The following DTNB variants were observed in gnomAD, a reference collection of about 807,000 sequenced individuals.
DTNB encodes the protein dystrobrevin beta.
In DTNB, 63 loss-of-function variants were observed where a neutral mutation model predicts 90.7. That is an observed-to-expected ratio of 0.69 (90% confidence interval 0.57 to 0.86). The LOEUF is 0.86. DTNB is among the 40% of genes least tolerant of loss of function. The pLI, the probability that DTNB is intolerant of heterozygous loss-of-function variation, is 0.00. For missense variants in DTNB, 744 were observed against 807.1 expected (o/e 0.92, Z 0.95); for synonymous variants, 277 against 286.7 (o/e 0.97, Z 0.34).
intron 8 of DTNB, among the ~76,000 whole-genome samples, chr2:25,570,406 C>CAAAAAAAAAAAAAAA (rs146251976): frequency 2.4e-4 from 22 of 89,900 alleles, no homozygotes; most frequent in East Asian, 3.5e-4. Context: ...TTTCCTGTCT[C>CAAAAAAAAAAAAAAA]AAAAAAAAAA....
chr2:25,556,764 G>C (rs2057430832), intron 8 of DTNB, among the ~76,000 whole-genome samples: 1 of 152,198 alleles, frequency 6.6e-6, no homozygotes, highest in Non-Finnish European at 1.5e-5. Flanking sequence ...AGGATATACA[G>C]AGGTTGGTAA....
At chr2:25,492,266 A>G (rs899767386) in intron 9 of DTNB, among the ~76,000 whole-genome samples, 4 of 152,180 alleles carry the variant, frequency 2.6e-5, no homozygotes, top group African/African-American at 9.7e-5. Context: ...TGAGAGCTTA[A>G]CAGGATTAAC....
Position 25,591,224 on chromosome 2 carries a change from C to T in DTNB, c.603+4862G>A, listed in dbSNP as rs115267865. On this transcript the variant is annotated intron_variant, in intron 6 of 20. Coordinates refer to ENST00000406818, the MANE Select transcript of DTNB (RefSeq NM_021907.5). ...AAGGGCAGCCTTCCCAGGCCCCTGA[C>T]AGTGCAGAGATGCCTGGTCTGCAGC... Among the ~76,000 whole-genome samples, 997 of 152,346 alleles carry T rather than the reference C, an allele frequency of 6.5e-3. 12 individuals are homozygous for T. Among genetic ancestry groups the T allele is most frequent in the African/African-American group, 0.023 (946 of 41,580 alleles).
intron 2 of DTNB, among the ~76,000 whole-genome samples, chr2:25,646,757 T>C (rs1386490326): frequency 6.6e-6 from 1 of 152,242 alleles, no homozygotes; most frequent in Non-Finnish European, 1.5e-5. Flanking sequence ...TTTAGTCTCA[T>C]GCCTCCTTAA....
intron 8 of DTNB, among the ~76,000 whole-genome samples, chr2:25,550,347 C>T (rs527653516): frequency 2.6e-5 from 4 of 151,994 alleles, no homozygotes; most frequent in South Asian, 2.1e-4. Context: ...GCCGAGATCG[C>T]GCCACTGCAC....
intron 8 of DTNB, among the ~76,000 whole-genome samples, chr2:25,566,150 C>G (rs1434299183): frequency 6.6e-6 from 1 of 152,270 alleles, no homozygotes. Flanking sequence ...TCTAGCTGGC[C>G]GAGAAGAAAG....
intron 8 of DTNB, among the ~76,000 whole-genome samples, chr2:25,551,925 A>C (rs1350791298): frequency 6.6e-6 from 1 of 152,206 alleles, no homozygotes; most frequent in African/African-American, 2.4e-5. Context: ...CCAGCTCACA[A>C]ATTTGTTCTT....
intron 15 of DTNB, among the ~76,000 whole-genome samples, chr2:25,423,219 A>G (rs1485078663): frequency 6.6e-6 from 1 of 152,130 alleles, no homozygotes; most frequent in African/African-American, 2.4e-5. Context: ...AAAAAAACAA[A>G]GAAGGAGGGT....
intron 6 of DTNB, among the ~76,000 whole-genome samples, chr2:25,582,770 T>C (rs2061742369): frequency 6.6e-6 from 1 of 152,178 alleles, no homozygotes; most frequent in African/African-American, 2.4e-5. Context: ...AAATAAAGGT[T>C]ACCCTAAGTG....
chr2:25,547,113 T>A (rs1173781592), intron 8 of DTNB, among the ~76,000 whole-genome samples: 1 of 151,654 alleles, frequency 6.6e-6, no homozygotes, highest in African/African-American at 2.4e-5. Context: ...CCTGCCAGAG[T>A]GCTGGGATTA....
intron 9 of DTNB, among the ~76,000 whole-genome samples, chr2:25,519,608 A>C (rs1256326767): frequency 6.6e-6 from 1 of 152,138 alleles, no homozygotes; most frequent in Non-Finnish European, 1.5e-5. Context: ...CTGGTTGACC[A>C]TGCGAATTCC....
intron 8 of DTNB, among the ~76,000 whole-genome samples, chr2:25,536,717 C>T (rs2079890493): frequency 6.6e-6 from 1 of 152,008 alleles, no homozygotes; most frequent in South Asian, 2.1e-4. Flanking sequence ...AGACAGAGAG[C>T]GAGAGCGAGA....
At chr2:25,592,736 G>A (rs542547253) in intron 6 of DTNB, among the ~76,000 whole-genome samples, 67 of 152,194 alleles carry the variant, frequency 4.4e-4, no homozygotes, top group Middle Eastern at 3.4e-3. Flanking sequence ...GGAAAGGTGC[G>A]CAGAGTACAA....
At chr2:25,456,418 A>C (rs2060039779) in intron 10 of DTNB, among the ~76,000 whole-genome samples, 1 of 152,222 alleles carries the variant, frequency 6.6e-6, no homozygotes, top group South Asian at 2.1e-4. Context: ...AAAATATTTT[A>C]GTATCCCAGT....
intron 16 of DTNB, chr2:25,418,990 C>G (rs2048630021): frequency 6.4e-6 from 1 of 156,830 alleles, no homozygotes; most frequent in African/African-American, 2.4e-5. Context: ...GGAGTAGGTT[C>G]TGAACAGGAA....
intron 2 of DTNB, 45 bp downstream of exon 2, chr2:25,652,549 C>A (rs1207372567): frequency 7.8e-5 from 84 of 1,076,470 alleles, no homozygotes; most frequent in Middle Eastern, 6.9e-4. Context: ...AAAAAAAAAA[C>A]CACACAAACA....
intron 8 of DTNB, among the ~76,000 whole-genome samples, chr2:25,562,191 T>G (rs1387257858): frequency 2.0e-5 from 3 of 152,254 alleles, no homozygotes; most frequent in Admixed American, 6.5e-5. Flanking sequence ...ACACAATATG[T>G]GACATTTTGT....
chr2:25,469,373 G>A (rs528665176), intron 10 of DTNB, among the ~76,000 whole-genome samples: 1 of 152,272 alleles, frequency 6.6e-6, no homozygotes, highest in East Asian at 1.9e-4. Context: ...GTAGGGGAGA[G>A]CATTGGAAAA....
chr2:25,419,374 T>TG (rs1425478338), intron 16 of DTNB, 141 bp downstream of exon 16: 3 of 1,320,586 alleles, frequency 2.3e-6, no homozygotes, highest in Non-Finnish European at 3.2e-6. Context: ...TACAACACCA[T>TG]GGGGAGAACC....
Sources: allele counts gnomAD v4.1 joint callset (sites outside exome capture counted in the v4.1 genomes callset), GRCh38; gene constraint gnomAD v4.1.1; transcripts MANE v1.5; gene names NCBI Gene and HGNC (gene_info 2026-07-23, HGNC 2026-07-21).